PCNX4: variants seen among roughly 807,000 people sequenced by gnomAD.
PCNX4 encodes pecanex-like protein 4.
A neutral mutation model predicts 107.2 loss-of-function variants in PCNX4; 103 were observed. The observed-to-expected ratio is 0.96, with a 90% CI of 0.82 to 1.13. PCNX4 has a LOEUF of 1.13. PCNX4 is among the 50% of genes most tolerant of loss of function. The pLI is 0.00. For missense variants in PCNX4, 1,528 were observed against 1,379.4 expected (o/e 1.11, Z -1.71); for synonymous variants, 541 against 481.7 (o/e 1.12, Z -1.61).
rs1159819552 is a variant in PCNX4 at position 60,135,915 on chromosome 14, C to G, written c.*1694C>G. 1 of 151,982 alleles carries G rather than the reference C, an allele frequency of 6.6e-6. No homozygotes were observed. The highest frequency in any genetic ancestry group is 1.5e-5 in the Non-Finnish European group (1 of 67,992). The allele number at this position is 151,982 out of a possible 1,614,324, so 9.4% of individuals were successfully genotyped here. A position where few individuals can be genotyped will look rare whatever the true frequency, so the allele number is the denominator to read the frequency against. On this transcript the variant is annotated 3_prime_UTR_variant, in exon 11 of 11. Transcript: ENST00000406854. ...AGATATTATTTATTGGACTACTGTC[C>G]CCCAAATAATGTGAATTTTAAGTTG...
intron 10 of PCNX4, among the ~76,000 whole-genome samples, chr14:60,128,040 T>G (rs1040302295): frequency 2.6e-5 from 4 of 151,808 alleles, no homozygotes; most frequent in African/African-American, 9.7e-5. Context: ...TCAATAGAGA[T>G]TATGCAATCC....
At chr14:60,108,833 A>G (rs960705439) in intron 2 of PCNX4, 1 of 146,384 alleles carries the variant, frequency 6.8e-6, no homozygotes, top group Non-Finnish European at 1.7e-5. Context: ...TTTAACAGAC[A>G]TAATTGTTCA....
At position 60,115,418 on chromosome 14, in the gene PCNX4, G is replaced by A; in HGVS notation, c.1314G>A (p.Arg438=). ...CTGTATTCTTTGAGAAGCAAACTAG[G>A]CTCATGAAGATTGGTATTGTCAGAC... The part of the protein sequence containing the change: ...TVTVFFEKQT[R]LMKIGIVRRI... Residue 438 remains arginine (R), a synonymous_variant, in exon 4 of 11, where the codon AGG becomes AGA. Coordinates refer to ENST00000406854, the MANE Select transcript of PCNX4 (RefSeq NM_001330177.2). 6.4e-7 allele frequency: 1 copy of A among 1,555,326 alleles called. No homozygotes were observed. Among genetic ancestry groups the A allele is most frequent in the Non-Finnish European group, 8.7e-7 (1 of 1,153,882 alleles).
intron 10 of PCNX4, among the ~76,000 whole-genome samples, chr14:60,132,080 G>A (rs1438956007): frequency 6.6e-6 from 1 of 152,180 alleles, no homozygotes; most frequent in Non-Finnish European, 1.5e-5. Flanking sequence ...TAGTTCTAAA[G>A]GTTAGAAGGC....
rs1240409017 is a variant in PCNX4 at position 60,108,174 on chromosome 14, T to A, written c.536T>A (p.Phe179Tyr). The change falls in exon 2 of 11, where the codon TTT becomes TAT. Residue 179 changes from phenylalanine to tyrosine, a missense_variant. Coordinates refer to ENST00000406854, the MANE Select transcript of PCNX4 (RefSeq NM_001330177.2). Reference protein sequence around the residue: ...STGGTALLFFFGWMTLCIAEY... With the variant: ...STGGTALLFFYGWMTLCIAEY... ...GGAGGCACTGCTCTACTATTCTTCT[T>A]TGGATGGATGACACTATGTATAGCA... 5 of 1,612,838 alleles carry A rather than the reference T, an allele frequency of 3.1e-6. No homozygotes were observed. The East Asian group carries it at 1.1e-4, about 36-fold the overall frequency.
At chr14:60,128,753 A>C (rs1301191352) in intron 10 of PCNX4, among the ~76,000 whole-genome samples, 2 of 152,242 alleles carry the variant, frequency 1.3e-5, no homozygotes, top group African/African-American at 4.8e-5. Flanking sequence ...AACAATATGT[A>C]TTCATGTATT....
chr14:60,100,852 C>T (rs1027122084), intron 1 of PCNX4, among the ~76,000 whole-genome samples: 1 of 152,188 alleles, frequency 6.6e-6, no homozygotes, highest in African/African-American at 2.4e-5. Context: ...TTGAAATTGC[C>T]CTGCAAAGTC....
At chr14:60,125,329 A>C (rs1449876888) in intron 9 of PCNX4, 78 bp downstream of exon 9, 2 of 1,323,470 alleles carry the variant, frequency 1.5e-6, no homozygotes, top group Non-Finnish European at 2.0e-6. Flanking sequence ...ACAAGAAGAC[A>C]GTTATTCGTT....
rs1239749592 is a variant in PCNX4, at chr14:60,118,705, G to T, written c.1942+13G>T. 1.9e-6 allele frequency: 3 copies of T among 1,539,410 alleles called. No homozygotes were observed. On this transcript the variant is annotated intron_variant, in intron 7 of 10. Transcript: ENST00000406854. ...GCTGGAAGTTTAGGTAAGTAAATGG[G>T]TTGTGCTCAAGAATTTCTCACTAAT...
intron 1 of PCNX4, among the ~76,000 whole-genome samples, chr14:60,092,992 T>TG (rs1165833123): frequency 6.6e-6 from 1 of 152,242 alleles, no homozygotes; most frequent in Non-Finnish European, 1.5e-5. Context: ...AAATCATTCC[T>TG]GCAGTTAGGG....
At position 60,117,112 on chromosome 14, in the gene PCNX4, A is replaced by G. The variant is rs73310154; in HGVS notation, c.1578+1052A>G. ...TTAATTTATTACTGAAGAATGAAAAATATTTTAAAAATAAATTTAGAGTAA... is the reference window on the plus strand; with the variant it reads ...TTAATTTATTACTGAAGAATGAAAAGTATTTTAAAAATAAATTTAGAGTAA... On this transcript the variant is annotated intron_variant, in intron 6 of 10. Transcript: ENST00000406854. Among the ~76,000 whole-genome samples, 443 of 152,282 alleles carry G rather than the reference A, an allele frequency of 2.9e-3. 3 individuals carry two copies. Among genetic ancestry groups the G allele is most frequent in the African/African-American group, 0.01 (425 of 41,562 alleles).
rs1210596752 is a variant in PCNX4 at position 60,137,423 on chromosome 14, G to A, written c.*3202G>A. On this transcript the variant is annotated 3_prime_UTR_variant, in exon 11 of 11. Coordinates refer to ENST00000406854, the MANE Select transcript of PCNX4 (RefSeq NM_001330177.2). Reference sequence around the variant, plus strand: ...GTGAAGAAAAACCAGATGCAGTTAGGATCTTCTCACTTCCCAAAACTGGAT... The same window carrying A: ...GTGAAGAAAAACCAGATGCAGTTAGAATCTTCTCACTTCCCAAAACTGGAT... 1 of 152,216 alleles carries A rather than the reference G, an allele frequency of 6.6e-6. No homozygotes were observed. Among genetic ancestry groups the A allele is most frequent in the Non-Finnish European group, 1.5e-5 (1 of 68,064 alleles). The allele number at this position is 152,216 out of a possible 1,614,324, so 9.4% of individuals were successfully genotyped here.
At chr14:60,109,830 C>G (rs1338445594) in intron 2 of PCNX4, 2 of 167,204 alleles carry the variant, frequency 1.2e-5, no homozygotes, top group Non-Finnish European at 2.9e-5. Context: ...AAAGGCAGTC[C>G]TTGTTACAAA....
intron 2 of PCNX4, among the ~76,000 whole-genome samples, chr14:60,114,262 T>C (rs1275060120): frequency 1.3e-5 from 2 of 152,208 alleles, no homozygotes; most frequent in African/African-American, 4.8e-5. Context: ...TTACTTGAAA[T>C]TTTAAATTAT....
chr14:60,129,273 C>T (rs1207008812), intron 10 of PCNX4, among the ~76,000 whole-genome samples: 1 of 149,860 alleles, frequency 6.7e-6, no homozygotes, highest in Non-Finnish European at 1.5e-5. Context: ...CATAACAAGG[C>T]TGGGCATGGT....
intron 1 of PCNX4, among the ~76,000 whole-genome samples, chr14:60,106,070 A>G (rs2140536634): frequency 6.6e-6 from 1 of 152,318 alleles, no homozygotes; most frequent in Middle Eastern, 3.4e-3. Context: ...GCAGGAGACA[A>G]GCTCGTACGG....
Position 60,140,802 on chromosome 14 carries a change from C to T in PCNX4, c.*6581C>T, listed in dbSNP as rs1896297917. 6.6e-6 allele frequency: 1 copy of T among 152,120 alleles called. No individual in the cohort carries two copies. The highest frequency in any genetic ancestry group is 1.5e-5 in the Non-Finnish European group (1 of 68,012). 9.4% of individuals were successfully genotyped at this position (152,120 alleles called of 1,614,324 possible). Reference sequence around the variant, plus strand: ...CCAGTATCCACTCATAAAAAGTTTGCTTTTTAATATTCATCTTTATTTTTC... The same window carrying T: ...CCAGTATCCACTCATAAAAAGTTTGTTTTTTAATATTCATCTTTATTTTTC... On this transcript the variant is annotated 3_prime_UTR_variant, in exon 11 of 11. Transcript: ENST00000406854. This position sits in a 1 kb window ranked among gnomAD's most constrained non-coding sequence, Gnocchi z 4.2.
chr14:60,115,891 T>G (rs1420628856), intron 5 of PCNX4, 50 bp from the exon 6 acceptor site: 1 of 1,590,026 alleles, frequency 6.3e-7, no homozygotes, highest in Middle Eastern at 1.7e-4. Flanking sequence ...AATAGTTTGC[T>G]TAGATTATCT....
intron 1 of PCNX4, among the ~76,000 whole-genome samples, chr14:60,093,688 C>G (rs998328167): frequency 1.3e-5 from 2 of 152,022 alleles, no homozygotes; most frequent in Non-Finnish European, 2.9e-5. Flanking sequence ...ATGTTTTTAT[C>G]TCTGTTGGGT....
Sources: gnomAD v4.1 joint callset for allele counts (sites outside exome capture counted in the v4.1 genomes callset) on GRCh38, gnomAD v4.1.1 for gene constraint, Gnocchi (gnomAD v3.1) non-coding constraint, MANE v1.5 for transcripts, NCBI Gene and HGNC (gene_info 2026-07-23, HGNC 2026-07-21) for gene names.